Variants in ARMC3 observed in about 807,000 individuals in gnomAD.
ARMC3 encodes the protein armadillo repeat-containing protein 3.
In ARMC3, 74 loss-of-function variants were observed where a neutral mutation model predicts 90.3. The observed-to-expected ratio is 0.82, with a 90% confidence interval of 0.68 to 0.99. The LOEUF (loss-of-function observed/expected upper bound fraction) is 0.99, where lower values mean the gene tolerates loss of function less well. Ranked by LOEUF, ARMC3 falls within the 50% of genes least tolerant of loss-of-function variation. The pLI is 0.00. For missense variants in ARMC3, 958 were observed against 1,042.8 expected, an observed-to-expected ratio of 0.92 and a Z score of 1.12; for synonymous variants, 334 against 361.8, an observed-to-expected ratio of 0.92 and a Z score of 0.87.
At chr10:22,928,139 A>G (rs1481361919) in intron 1 of ARMC3, 33 bp downstream of exon 1, 1 of 152,614 alleles carries the variant, frequency 6.6e-6, no homozygotes, top group Non-Finnish European at 1.5e-5. Flanking sequence ...GGGAGGCCCA[A>G]GGCAGAGGCC....
At chr10:23,026,759 C>A (rs1742414109) in intron 16 of ARMC3, among the ~76,000 whole-genome samples, 1 of 152,018 alleles carries the variant, frequency 6.6e-6, no homozygotes, top group Non-Finnish European at 1.5e-5. Flanking sequence ...TAGTTTTATA[C>A]AATTTTATCA....
intron 16 of ARMC3, 56 bp downstream of exon 16, chr10:23,008,987 T>C: frequency 6.9e-7 from 1 of 1,452,736 alleles, no homozygotes; most frequent in Non-Finnish European, 9.6e-7. Flanking sequence ...AAGGGAGGGG[T>C]GGCTCTTCAG....
chr10:22,982,983 G>T (rs1836260361), intron 10 of ARMC3, among the ~76,000 whole-genome samples: 1 of 152,130 alleles, frequency 6.6e-6, no homozygotes, highest in Non-Finnish European at 1.5e-5. Context: ...TCCTTTAATA[G>T]CTACAATCTT....
chr10:23,032,764 T>C (rs1215018755), intron 17 of ARMC3, 97 bp from the exon 18 acceptor site: 2 of 1,259,482 alleles, frequency 1.6e-6, no homozygotes, highest in Non-Finnish European at 1.1e-6. Flanking sequence ...TCACAGCAAA[T>C]GTCATTTTTA....
chr10:22,992,663 G>T (rs1173338730), intron 10 of ARMC3, among the ~76,000 whole-genome samples: 1 of 152,136 alleles, frequency 6.6e-6, no homozygotes, highest in Non-Finnish European at 1.5e-5. Context: ...ATATACTAGC[G>T]TCCTGTAGCT....
intron 16 of ARMC3, among the ~76,000 whole-genome samples, chr10:23,009,516 G>C (rs940012656): frequency 4.7e-5 from 7 of 148,056 alleles, no homozygotes; most frequent in Middle Eastern, 3.2e-3. Context: ...TTCTGAGGCA[G>C]AGTCTCGCTC....
At position 23,003,307 on chromosome 10, in the gene ARMC3, G is replaced by T; in HGVS notation, c.1624G>T (p.Ala542Ser). Residue 542 changes from alanine (A) to serine (S), a missense_variant, in exon 13 of 19, where the codon GCA (alanine) becomes TCA (serine). Transcript: ENST00000298032. ...AACTCGGAAAAATAAATTCAGTGAGGCAGCTTATAATAAGTTGCTCAATAA... is the reference window on the plus strand; with the variant it reads ...AACTCGGAAAAATAAATTCAGTGAGTCAGCTTATAATAAGTTGCTCAATAA... ...SGTRKNKFSE[A>S]AYNKLLNNNL... is the part of the protein sequence containing the mutation. 6.2e-7 allele frequency: 1 copy of T among 1,613,592 alleles called. No homozygotes were observed. The highest frequency in any genetic ancestry group is 8.5e-7 in the Non-Finnish European group (1 of 1,179,774).
chr10:22,932,885 A>G (rs531529721), intron 2 of ARMC3, among the ~76,000 whole-genome samples: 1 of 152,342 alleles, frequency 6.6e-6, no homozygotes, highest in Middle Eastern at 3.4e-3. Context: ...AATTTGCCAA[A>G]TTTGGCCAAG....
chr10:22,986,494 G>C (rs914429019), intron 10 of ARMC3, among the ~76,000 whole-genome samples: 9 of 149,666 alleles, frequency 6.0e-5, no homozygotes, highest in African/African-American at 2.2e-4. Flanking sequence ...AGAGGTTGCA[G>C]TGAGCCAAGA....
chr10:22,990,039 A>T lies in ARMC3; in HGVS notation c.1176-8109A>T, dbSNP rs144204773. Among the ~76,000 whole-genome samples, 152 of 152,302 alleles carry T rather than the reference A, an allele frequency of 1.0e-3. 2 individuals carry two copies. Among genetic ancestry groups the T allele is most frequent in the Admixed American group, 7.3e-3 (111 of 15,304 alleles). On this transcript the variant is annotated intron_variant, in intron 10 of 18. Coordinates refer to ENST00000298032, the MANE Select transcript of ARMC3 (RefSeq NM_173081.5). The stretch of plus-strand genomic sequence containing the variant: ...GTTCAATTAGAAAATTATCCATGCT[A>T]CTTTTATTACCTACAGTGCAGAGAC...
chr10:22,936,787 A>G (rs1411445288), intron 2 of ARMC3, among the ~76,000 whole-genome samples: 7 of 152,154 alleles, frequency 4.6e-5, no homozygotes, highest in Non-Finnish European at 7.3e-5. Context: ...AGGAGAAACA[A>G]ATGTCATGCC....
At chr10:23,018,436 G>A (rs1296351155) in intron 16 of ARMC3, among the ~76,000 whole-genome samples, 2 of 151,954 alleles carry the variant, frequency 1.3e-5, no homozygotes, top group Non-Finnish European at 2.9e-5. Flanking sequence ...CGTGACTGTG[G>A]CTCAGCTGAG....
At chr10:23,029,795 A>G (rs1267947951) in intron 16 of ARMC3, among the ~76,000 whole-genome samples, 1 of 152,194 alleles carries the variant, frequency 6.6e-6, no homozygotes, top group Admixed American at 6.5e-5. Flanking sequence ...ACATTTCTCT[A>G]GATAAACCTT....
chr10:22,949,051 T>G (rs922159895), intron 3 of ARMC3, among the ~76,000 whole-genome samples: 4 of 152,174 alleles, frequency 2.6e-5, no homozygotes, highest in Non-Finnish European at 5.9e-5. Context: ...TTGTGTAGAA[T>G]ACACAGAGGA....
chr10:22,960,236 A>G (rs1354728189), intron 6 of ARMC3: 5 of 161,734 alleles, frequency 3.1e-5, no homozygotes, highest in Non-Finnish European at 6.8e-5. Flanking sequence ...AGATTCCTTA[A>G]CAATTAGCAT....
In ARMC3 at chr10:23,033,160, T is replaced by G. The variant is rs369488011; in HGVS notation, c.2409+137T>G. On this transcript the variant is annotated intron_variant, in intron 18 of 18. Coordinates refer to ENST00000298032, the MANE Select transcript of ARMC3 (RefSeq NM_173081.5). ...AGATTTATTTATATCTACATATAAG[T>G]GTATATATACTTATATACAAGCATA... The G allele has an allele frequency of 2.3e-4, 184 of 805,940 alleles. No individual in the cohort carries two copies. The East Asian group carries it at 4.2e-3, about 19-fold the overall frequency. 49.9% of individuals were successfully genotyped at this position (805,940 alleles called of 1,614,324 possible). A position where few individuals can be genotyped will look rare whatever the true frequency, so the allele number is the denominator to read the frequency against.
chr10:22,972,775 A>G (rs1451195707), intron 8 of ARMC3, among the ~76,000 whole-genome samples: 1 of 152,154 alleles, frequency 6.6e-6, no homozygotes, highest in South Asian at 2.1e-4. Flanking sequence ...AAATGTGTTG[A>G]TAAGTATTAC....
rs1282759615 is a variant in ARMC3, at chr10:22,937,764, A to G, written c.48+5720A>G. Among the ~76,000 whole-genome samples the G allele has an allele frequency of 2.0e-5, 3 of 152,210 alleles. No individual in the cohort carries two copies. In the East Asian group the frequency reaches 5.8e-4, roughly 29 times the overall value. On this transcript the variant is annotated intron_variant, in intron 2 of 18. Transcript: ENST00000298032. ...GTTAAGGCACTTTAAGGCCACAAGCATAGAAAAAGTTTCCAGGGGCACTTT... is the reference window on the plus strand; with the variant it reads ...GTTAAGGCACTTTAAGGCCACAAGCGTAGAAAAAGTTTCCAGGGGCACTTT...
intron 8 of ARMC3, among the ~76,000 whole-genome samples, chr10:22,974,636 T>TGTTTGTTTG (rs1554778077): frequency 6.6e-6 from 1 of 151,870 alleles, no homozygotes; most frequent in Non-Finnish European, 1.5e-5. Context: ...ATCTGTTTTT[T>TGTTTGTTTG]TTTGTTTGTT....
Sources: gnomAD v4.1 joint callset for allele counts (sites outside exome capture counted in the v4.1 genomes callset) on GRCh38, gnomAD v4.1.1 for gene constraint, MANE v1.5 for transcripts, NCBI Gene and HGNC (gene_info 2026-07-23, HGNC 2026-07-21) for gene names.